The following SMARCC1 variants were observed in gnomAD, a reference collection of about 807,000 sequenced individuals.
SMARCC1 encodes the protein SWI/SNF related BAF chromatin remodeling complex subunit C1, also known as SWI/SNF complex subunit SMARCC1.
In SMARCC1, 43 loss-of-function variants were observed where a neutral mutation model predicts 147.4. The ratio of observed to expected loss-of-function variants is 0.29; its 90% CI spans 0.23 to 0.38. The LOEUF is 0.38. SMARCC1 is among the 10% of genes least tolerant of loss of function. The pLI, the probability that SMARCC1 is intolerant of heterozygous loss-of-function variation, is 1.00. For synonymous variants in SMARCC1, 495 were observed against 484.4 expected, an observed-to-expected ratio of 1.02 and a Z score of -0.29; for missense variants, 1,119 against 1,381.1, an observed-to-expected ratio of 0.81 and a Z score of 3.01.
chr3:47,642,326 G>A (rs925484358), intron 21 of SMARCC1, among the ~76,000 whole-genome samples: 1 of 152,084 alleles, frequency 6.6e-6, no homozygotes, highest in African/African-American at 2.4e-5. Flanking sequence ...GCAGTGGCTC[G>A]GACCTGTAAT....
At chr3:47,713,978 T>C (rs774235491) in intron 8 of SMARCC1, among the ~76,000 whole-genome samples, 3 of 152,220 alleles carry the variant, frequency 2.0e-5, no homozygotes, top group Non-Finnish European at 4.4e-5. Context: ...ACGTATCTTG[T>C]AAATGGATGA....
At chr3:47,607,595 G>A (rs1453792055) in intron 26 of SMARCC1, among the ~76,000 whole-genome samples, 2 of 152,158 alleles carry the variant, frequency 1.3e-5, no homozygotes, top group Non-Finnish European at 2.9e-5. Flanking sequence ...TGTGGGGTTT[G>A]GGGGGTGAAC....
intron 26 of SMARCC1, among the ~76,000 whole-genome samples, chr3:47,599,985 C>T (rs915374690): frequency 1.3e-5 from 2 of 152,174 alleles, no homozygotes; most frequent in African/African-American, 4.8e-5. Flanking sequence ...GCCCATTTAC[C>T]TATTACCCTA....
At chr3:47,659,948 T>A (rs971742750) in intron 21 of SMARCC1, among the ~76,000 whole-genome samples, 2 of 152,094 alleles carry the variant, frequency 1.3e-5, no homozygotes, top group Non-Finnish European at 2.9e-5. Flanking sequence ...CTTAGAAATG[T>A]TATACATTAC....
At chr3:47,693,338 A>G (rs925350105) in intron 11 of SMARCC1, 38 bp from the exon 12 acceptor site, 18 of 1,206,522 alleles carry the variant, frequency 1.5e-5, no homozygotes, top group Non-Finnish European at 2.1e-5. Context: ...TTATGTGGGA[A>G]AAGTTGTACT....
At chr3:47,747,350 T>TG (rs564315205) in intron 2 of SMARCC1, among the ~76,000 whole-genome samples, 42 of 151,628 alleles carry the variant, frequency 2.8e-4, no homozygotes, top group African/African-American at 1.0e-3. Context: ...GGTAGGAGGA[T>TG]GGCTTGAACC....
chr3:47,752,897 C>T (rs1212149585), intron 2 of SMARCC1, among the ~76,000 whole-genome samples: 1 of 152,198 alleles, frequency 6.6e-6, no homozygotes, highest in Non-Finnish European at 1.5e-5. Flanking sequence ...GCTGCCTCTA[C>T]TCTCAACTGT....
At chr3:47,656,573 A>G (rs2033264471) in intron 21 of SMARCC1, among the ~76,000 whole-genome samples, 1 of 152,152 alleles carries the variant, frequency 6.6e-6, no homozygotes, top group African/African-American at 2.4e-5. Context: ...TTTTCATACC[A>G]AGAAACAAAG....
At chr3:47,607,970 T>A (rs986394470) in intron 26 of SMARCC1, among the ~76,000 whole-genome samples, 2 of 152,090 alleles carry the variant, frequency 1.3e-5, no homozygotes, top group African/African-American at 2.4e-5. Flanking sequence ...ATTAAAAATA[T>A]ACACAAAAAA....
intron 25 of SMARCC1, among the ~76,000 whole-genome samples, chr3:47,613,516 C>T (rs1259637591): frequency 3.3e-5 from 5 of 151,686 alleles, no homozygotes; most frequent in South Asian, 2.1e-4. Flanking sequence ...CCCACTACCA[C>T]GCCCAGCTAA....
At chr3:47,698,944 T>C (rs1187744408) in intron 11 of SMARCC1, among the ~76,000 whole-genome samples, 1 of 152,206 alleles carries the variant, frequency 6.6e-6, no homozygotes, top group Non-Finnish European at 1.5e-5. Context: ...AAGTAGTGTC[T>C]TTTCAGCAAA....
intron 2 of SMARCC1, among the ~76,000 whole-genome samples, chr3:47,750,402 T>A (rs1211880130): frequency 1.3e-5 from 2 of 152,024 alleles, no homozygotes; most frequent in Non-Finnish European, 2.9e-5. Flanking sequence ...GCCAGGGCAC[T>A]CCAGCTTGGC....
chr3:47,771,585 C>T (rs929828747), intron 2 of SMARCC1, among the ~76,000 whole-genome samples: 23 of 151,890 alleles, frequency 1.5e-4, no homozygotes, highest in African/African-American at 5.6e-4. Context: ...ACTAAAAATA[C>T]AAAAATTAGC....
At chr3:47,759,027 A>C (rs2034739474) in intron 2 of SMARCC1, among the ~76,000 whole-genome samples, 1 of 151,102 alleles carries the variant, frequency 6.6e-6, no homozygotes, top group African/African-American at 2.4e-5. Context: ...CAAAAAAAAA[A>C]GAGGAGAAAC....
intron 5 of SMARCC1, among the ~76,000 whole-genome samples, chr3:47,730,211 G>A (rs144073079): frequency 1.3e-5 from 2 of 152,098 alleles, no homozygotes. Flanking sequence ...ATTTAGGCCA[G>A]GTGCAGCTGC....
intron 2 of SMARCC1, among the ~76,000 whole-genome samples, chr3:47,749,692 A>ACACACACACACACACACACACACACACAG (rs2034605128): frequency 7.4e-5 from 1 of 13,532 alleles, no homozygotes; most frequent in Non-Finnish European, 6.8e-4. Flanking sequence ...CACACACACA[A>ACACACACACACACACACACACACACACAG]AGTGAGACCC....
In SMARCC1 at chr3:47,697,804, G is replaced by A. The variant is rs1221985049; in HGVS notation, c.1165+3474C>T. Among the ~76,000 whole-genome samples, 6 of 151,044 alleles carry A rather than the reference G, an allele frequency of 4.0e-5. No individual in the cohort carries two copies. The East Asian group carries it at 5.9e-4, about 15-fold the overall frequency. ...GGGCGGATCATGAGGTCAGGAGATCGAGACCATCCTGGCTAACATGGTGAA... is the reference window on the plus strand; with the variant it reads ...GGGCGGATCATGAGGTCAGGAGATCAAGACCATCCTGGCTAACATGGTGAA... On this transcript the variant is annotated intron_variant, in intron 11 of 27. Transcript: ENST00000254480.
At chr3:47,667,183 T>A (rs978517846) in intron 19 of SMARCC1, among the ~76,000 whole-genome samples, 6 of 151,928 alleles carry the variant, frequency 3.9e-5, no homozygotes, top group Non-Finnish European at 5.9e-5. Context: ...CCGGGCATGG[T>A]GGCAGGCACC....
At chr3:47,616,519 C>T (rs1460904411) in intron 25 of SMARCC1, among the ~76,000 whole-genome samples, 3 of 152,024 alleles carry the variant, frequency 2.0e-5, no homozygotes, top group African/African-American at 4.8e-5. Context: ...GATCTCTGCA[C>T]GCTGCAACCT....
Sources: gnomAD v4.1 joint callset for allele counts (sites outside exome capture counted in the v4.1 genomes callset) on GRCh38, gnomAD v4.1.1 for gene constraint, MANE v1.5 for transcripts, NCBI Gene and HGNC (gene_info 2026-07-23, HGNC 2026-07-21) for gene names.